Variants in ARFGEF1 observed in about 807,000 individuals in gnomAD.
ARFGEF1 encodes brefeldin A-inhibited guanine nucleotide-exchange protein 1.
Under a neutral mutation model 231.0 loss-of-function variants are expected in ARFGEF1, and 42 were observed. The ratio of observed to expected loss-of-function variants is 0.18; its 90% CI spans 0.14 to 0.24. The LOEUF is 0.24. Ranked by LOEUF, ARFGEF1 falls within the 10% of genes least tolerant of loss-of-function variation. The probability of loss-of-function intolerance (pLI) is 1.00; values close to 1 mark genes in which losing one functional copy is unlikely to be tolerated. For missense variants in ARFGEF1, 1,345 were observed against 2,192.0 expected (o/e 0.61, Z 7.72); for synonymous variants, 710 against 732.3 (o/e 0.97, Z 0.49).
Position 67,264,044 on chromosome 8 carries a change from G to A in ARFGEF1, c.2123+1962C>T, listed in dbSNP as rs74975643. On this transcript the variant is annotated intron_variant, in intron 14 of 38. Transcript: ENST00000262215. The stretch of plus-strand genomic sequence containing the variant: ...GTGAGGTGAGACAGAAAAGTGGCAG[G>A]AAATGAAGCTTAGAGTCCAGCAGAT... Among the ~76,000 whole-genome samples the A allele has an allele frequency of 8.5e-3, 1,294 of 152,184 alleles. 16 individuals carry two copies. The highest frequency in any genetic ancestry group is 0.029 in the African/African-American group (1,218 of 41,524).
intron 1 of ARFGEF1, among the ~76,000 whole-genome samples, chr8:67,327,505 A>G (rs919871635): frequency 1.3e-5 from 2 of 152,034 alleles, no homozygotes; most frequent in African/African-American, 2.4e-5. Context: ...TTTTTACTAT[A>G]GATGGGGTTT....
At position 67,211,405 on chromosome 8, in the gene ARFGEF1, T is replaced by C. The variant is rs557591341; in HGVS notation, c.4819+78A>G. The C allele has an allele frequency of 1.7e-5, 16 of 960,628 alleles. No individual in the cohort carries two copies. The South Asian group carries it at 3.5e-4, about 21-fold the overall frequency. The allele number at this position is 960,628 out of a possible 1,614,324, so 59.5% of individuals were successfully genotyped here. ...ATCAATTATAGTATATGCTTGTTAA[T>C]AATAAAAGTAAAACCAAAAATGTTA... On this transcript the variant is annotated intron_variant, in intron 34 of 38. Coordinates refer to ENST00000262215, the MANE Select transcript of ARFGEF1 (RefSeq NM_006421.5).
chr8:67,218,177 T>A, intron 30 of ARFGEF1, 39 bp from the exon 31 acceptor site: 1 of 1,062,652 alleles, frequency 9.4e-7, no homozygotes, highest in East Asian at 3.5e-5. Context: ...ACGCCATTAA[T>A]CAACTACTAT....
At position 67,198,280 on chromosome 8, in the gene ARFGEF1, A is replaced by G; in HGVS notation, c.*654T>C. 1.0e-6 allele frequency: 1 copy of G among 985,672 alleles called. No individual in the cohort carries two copies. Among genetic ancestry groups the G allele is most frequent in the Non-Finnish European group, 1.2e-6 (1 of 829,760 alleles). 61.1% of individuals were successfully genotyped at this position (985,672 alleles called of 1,614,324 possible). ...AAAATAAAAAAGAAAGTTCCACCCA[A>G]ATGTTTAGTGCATTTGACAAAATAT... On this transcript the variant is annotated 3_prime_UTR_variant, in exon 39 of 39. Coordinates refer to ENST00000262215, the MANE Select transcript of ARFGEF1 (RefSeq NM_006421.5).
intron 1 of ARFGEF1, among the ~76,000 whole-genome samples, chr8:67,303,200 T>C (rs2128916773): frequency 6.6e-6 from 1 of 152,256 alleles, no homozygotes; most frequent in East Asian, 1.9e-4. Context: ...AACACCTCAA[T>C]GCACCAACCT....
intron 8 of ARFGEF1, among the ~76,000 whole-genome samples, chr8:67,276,895 G>A (rs1057032326): frequency 5.9e-5 from 9 of 152,070 alleles, no homozygotes; most frequent in Non-Finnish European, 1.2e-4. Context: ...ACCTCTGAGC[G>A]TCATCTTGGC....
At chr8:67,217,957 AG>A in intron 31 of ARFGEF1, 37 bp from the exon 32 acceptor site, 1 of 1,612,602 alleles carries the variant, frequency 6.2e-7, no homozygotes, top group Non-Finnish European at 8.5e-7. Flanking sequence ...ATATATTACC[AG>A]GGTCACATTT....
At chr8:67,280,002 T>A (rs548520068) in intron 7 of ARFGEF1, among the ~76,000 whole-genome samples, 1 of 151,774 alleles carries the variant, frequency 6.6e-6, no homozygotes, top group African/African-American at 2.4e-5. Flanking sequence ...AAAAAAAAAA[T>A]AAACAAGAGA....
Position 67,198,161 on chromosome 8 carries a change from C to CCTT in ARFGEF1, c.*772_*773insAAG, listed in dbSNP as rs1220037856. 25 of 985,258 alleles carry CCTT rather than the reference C, an allele frequency of 2.5e-5. No individual in the cohort carries two copies. The highest frequency in any genetic ancestry group is 2.9e-5 in the Non-Finnish European group (24 of 829,818). 61.0% of individuals were successfully genotyped at this position (985,258 alleles called of 1,614,324 possible). ...GTAGGGATATTTTCTACCTTTTTTT[C>CCTT]CCTATTGTTGAAGTGTCGGCCACAA... On this transcript the variant is annotated 3_prime_UTR_variant, in exon 39 of 39. Transcript: ENST00000262215.
In ARFGEF1 at chr8:67,185,114, A is replaced by C. The variant is rs1383398273; in HGVS notation, c.561-9542T>G. Reference sequence around the variant, plus strand: ...AGCAAGACTCCGTCTCAAAAAAAAAAAAACAAAAACAAACAAACAAACAAA... The same window carrying C: ...AGCAAGACTCCGTCTCAAAAAAAAACAAACAAAAACAAACAAACAAACAAA... On this transcript the variant is annotated intron_variant, in intron 5 of 5. Transcript: ENST00000518789. Among the ~76,000 whole-genome samples the C allele has an allele frequency of 2.7e-5, 4 of 150,712 alleles. No individual in the cohort carries two copies. The East Asian group carries it at 7.7e-4, about 29-fold the overall frequency.
intron 2 of ARFGEF1, among the ~76,000 whole-genome samples, 199 bp downstream of exon 2, chr8:67,302,237 A>T (rs970469741): frequency 1.3e-4 from 20 of 152,064 alleles, no homozygotes; most frequent in African/African-American, 4.3e-4. Flanking sequence ...AATATATATA[A>T]AAATAGGTTT....
intron 10 of ARFGEF1, among the ~76,000 whole-genome samples, chr8:67,268,587 T>G (rs1271683832): frequency 6.6e-6 from 1 of 152,136 alleles, no homozygotes; most frequent in Non-Finnish European, 1.5e-5. Context: ...TGGTAGTTGC[T>G]ATGATAAAAA....
chr8:67,199,335 C>T (rs1033614755), intron 38 of ARFGEF1: 3 of 397,182 alleles, frequency 7.6e-6, no homozygotes, highest in African/African-American at 2.1e-5. Context: ...ATATCTTTGA[C>T]AAACTTTTAG....
intron 27 of ARFGEF1, among the ~76,000 whole-genome samples, chr8:67,226,511 AAAT>A (rs1469761716): frequency 2.0e-5 from 3 of 152,268 alleles, no homozygotes; most frequent in South Asian, 2.1e-4. Context: ...TATAAAATGG[AAAT>A]AATAATAATA....
At chr8:67,240,641 C>T (rs1276561765) in intron 19 of ARFGEF1, among the ~76,000 whole-genome samples, 1 of 152,168 alleles carries the variant, frequency 6.6e-6, no homozygotes, top group Non-Finnish European at 1.5e-5. Context: ...CAATATTTCA[C>T]ACTATTTCCA....
rs746617227 is a variant in ARFGEF1 at position 67,240,302 on chromosome 8, A to T, written c.2851-12T>A. ...GGCGTCCAAGCCAACTACAAAAATT[A>T]AAAATTGTATTTTAATTAAAGATTA... is the stretch of plus-strand genomic sequence containing the variant. On this transcript the variant is annotated splice_polypyrimidine_tract_variant and intron_variant, in intron 19 of 38. Transcript: ENST00000262215. 3.1e-5 allele frequency: 49 copies of T among 1,586,422 alleles called. No individual in the cohort carries two copies. The East Asian group carries it at 9.9e-4, about 32-fold the overall frequency.
chr8:67,322,321 A>C (rs917390164), intron 1 of ARFGEF1, among the ~76,000 whole-genome samples: 13 of 152,242 alleles, frequency 8.5e-5, no homozygotes, highest in Non-Finnish European at 1.5e-4. Context: ...TTCATGCCTT[A>C]GCTAATGATG....
chr8:67,281,182 C>T (rs151051622), intron 7 of ARFGEF1, among the ~76,000 whole-genome samples: 1 of 151,838 alleles, frequency 6.6e-6, no homozygotes, highest in East Asian at 1.9e-4. Flanking sequence ...AACCCTAAGA[C>T]AAAATGATGG....
intron 5 of ARFGEF1, among the ~76,000 whole-genome samples, chr8:67,182,328 T>G (rs1269224286): frequency 2.0e-5 from 3 of 151,108 alleles, no homozygotes; most frequent in Non-Finnish European, 4.4e-5. Flanking sequence ...TTTTTTTTTT[T>G]ATGCTGTGAA....
Sources: gnomAD v4.1 joint callset for allele counts (sites outside exome capture counted in the v4.1 genomes callset) on GRCh38, gnomAD v4.1.1 for gene constraint, MANE v1.5 for transcripts, NCBI Gene and HGNC (gene_info 2026-07-23, HGNC 2026-07-21) for gene names.